PTGIS: variants seen among roughly 807,000 people sequenced by gnomAD.
The protein encoded by PTGIS is prostaglandin I2 synthase.
PTGIS carries 45 observed loss-of-function variants against 50.3 expected under a neutral mutation model. The ratio of observed to expected loss-of-function variants is 0.90; its 90% CI spans 0.70 to 1.15. The LOEUF (loss-of-function observed/expected upper bound fraction) is 1.15. PTGIS is among the 50% of genes most tolerant of loss of function. The pLI is 0.00. For synonymous variants in PTGIS, 260 were observed against 267.7 expected, an observed-to-expected ratio of 0.97 and a Z score of 0.28; for missense variants, 668 against 661.3, an observed-to-expected ratio of 1.01 and a Z score of -0.11.
chr20:49,552,775 T>C (rs1038221896), intron 1 of PTGIS, among the ~76,000 whole-genome samples: 11 of 152,220 alleles, frequency 7.2e-5, no homozygotes, highest in Admixed American at 1.3e-4. Context: ...TATTTAAAAT[T>C]GTTTTATATC....
intron 4 of PTGIS, among the ~76,000 whole-genome samples, chr20:49,544,043 G>C (rs1982294921): frequency 6.6e-6 from 1 of 152,214 alleles, no homozygotes; most frequent in Admixed American, 6.5e-5. Flanking sequence ...GATGACCTCT[G>C]AAGTCTTGCT....
At position 49,513,253 on chromosome 20, in the gene PTGIS, G is replaced by A. The variant is rs1468065770; in HGVS notation, c.1033C>T (p.Leu345=). Residue 345 remains leucine (L), a synonymous_variant, in exon 8 of 10, where the codon CTG becomes TTG. Coordinates refer to ENST00000244043, the MANE Select transcript of PTGIS (RefSeq NM_000961.4). ...GCTGTAAGCCTGAGGCTCTCACTCA[G>A]CACGCTATCTGCATGGGGCAGGTGC... is the stretch of plus-strand genomic sequence containing the variant. ...LDSTPVLDSV[L]SESLRLTAAP... is the part of the protein sequence containing the mutation. The A allele has an allele frequency of 1.2e-6, 2 of 1,613,420 alleles. No homozygotes were observed. The highest frequency in any genetic ancestry group is 2.7e-5 in the African/African-American group (2 of 74,906).
At chr20:49,559,878 G>A in intron 1 of PTGIS, among the ~76,000 whole-genome samples, 1 of 151,838 alleles carries the variant, frequency 6.6e-6, no homozygotes, top group East Asian at 1.9e-4. Context: ...AGATGATGGT[G>A]ATGATTGCAC....
chr20:49,517,336 AC>A (rs908058337), intron 6 of PTGIS, among the ~76,000 whole-genome samples: 2 of 152,334 alleles, frequency 1.3e-5, no homozygotes, highest in African/African-American at 4.8e-5. Context: ...CTCATTAATT[AC>A]CAAGCAGGAG....
intron 5 of PTGIS, among the ~76,000 whole-genome samples, chr20:49,532,992 G>T (rs1417447696): frequency 6.6e-6 from 1 of 152,196 alleles, no homozygotes; most frequent in African/African-American, 2.4e-5. Flanking sequence ...AATGAGGGCT[G>T]CCAGGCCCAC....
At position 49,547,981 on chromosome 20, in the gene PTGIS, G is replaced by A. The variant is rs376596068; in HGVS notation, c.237C>T (p.Asp79=). The change falls in exon 3 of 10, where the codon GAC becomes GAT. Residue 79 remains aspartate, a synonymous_variant. Transcript: ENST00000244043. ...ACACCACCGCGTCGTAGGAGTGTGG[G>A]TCCAGGAGAACGGTGACATACCTGC... The part of the protein sequence containing the change: ...VGGRYVTVLL[D]PHSYDAVVWE... The A allele has an allele frequency of 8.1e-5, 130 of 1,614,000 alleles. No individual in the cohort carries two copies. Among genetic ancestry groups the A allele is most frequent in the Middle Eastern group, 1.6e-4 (1 of 6,084 alleles).
At chr20:49,524,507 C>A (rs972555106) in intron 5 of PTGIS, among the ~76,000 whole-genome samples, 1 of 152,214 alleles carries the variant, frequency 6.6e-6, no homozygotes, top group Non-Finnish European at 1.5e-5. Context: ...TCAATCACCT[C>A]TATGTCCCCA....
chr20:49,549,979 G>A, intron 2 of PTGIS, 87 bp downstream of exon 2: 1 of 1,604,530 alleles, frequency 6.2e-7, no homozygotes, highest in South Asian at 1.1e-5. Context: ...GGTTGGCATA[G>A]GGACATATGT....
At chr20:49,542,063 T>G (rs960004036) in intron 4 of PTGIS, among the ~76,000 whole-genome samples, 3 of 151,970 alleles carry the variant, frequency 2.0e-5, no homozygotes, top group Non-Finnish European at 2.9e-5. Context: ...GGAACAGCAT[T>G]CCCAGGCAAG....
intron 1 of PTGIS, among the ~76,000 whole-genome samples, chr20:49,565,171 T>C (rs1982866280): frequency 6.6e-6 from 1 of 150,784 alleles, no homozygotes; most frequent in African/African-American, 2.4e-5. Context: ...TTAGTAGCGA[T>C]GAGGTTTCAC....
chr20:49,547,975 G>A lies in PTGIS; in HGVS notation c.243C>T (p.His81=). 2.5e-6 allele frequency: 4 copies of A among 1,614,142 alleles called. No homozygotes were observed. The highest frequency in any genetic ancestry group is 3.4e-6 in the Non-Finnish European group (4 of 1,180,010). ...GRYVTVLLDP[H]SYDAVVWEPR... ...GCTCCCACACCACCGCGTCGTAGGAGTGTGGGTCCAGGAGAACGGTGACAT... is the reference window on the plus strand; with the variant it reads ...GCTCCCACACCACCGCGTCGTAGGAATGTGGGTCCAGGAGAACGGTGACAT... Residue 81 remains histidine, a synonymous_variant, in exon 3 of 10, where the codon CAC becomes CAT. Coordinates refer to ENST00000244043, the MANE Select transcript of PTGIS (RefSeq NM_000961.4).
chr20:49,512,052 A>G (rs8121749), intron 8 of PTGIS, among the ~76,000 whole-genome samples: 42,255 of 151,092 alleles, frequency 0.28, 6,074 homozygotes, highest in Middle Eastern at 0.35. Flanking sequence ...TAGATAAATG[A>G]GTGGGTGGAT....
chr20:49,543,960 G>C (rs544285077), intron 4 of PTGIS, among the ~76,000 whole-genome samples: 1 of 152,310 alleles, frequency 6.6e-6, no homozygotes, highest in South Asian at 2.1e-4. Flanking sequence ...AAAAGGTTAA[G>C]GTCCCAAGTT....
At chr20:49,545,452 G>A (rs1012015550) in intron 3 of PTGIS, among the ~76,000 whole-genome samples, 4 of 151,592 alleles carry the variant, frequency 2.6e-5, no homozygotes, top group African/African-American at 9.7e-5. Flanking sequence ...AAAAAGACAT[G>A]ACCTCACATG....
At chr20:49,520,992 G>A (rs186209059) in intron 6 of PTGIS, among the ~76,000 whole-genome samples, 8 of 152,304 alleles carry the variant, frequency 5.3e-5, no homozygotes, top group Non-Finnish European at 1.0e-4. Flanking sequence ...TCTCCCACCA[G>A]AATGCCAGCT....
At chr20:49,564,040 G>C (rs552520376) in intron 1 of PTGIS, among the ~76,000 whole-genome samples, 1 of 152,248 alleles carries the variant, frequency 6.6e-6, no homozygotes, top group South Asian at 2.1e-4. Flanking sequence ...GTTTCAAGGG[G>C]CCCACAAGCC....
At chr20:49,545,132 G>A (rs1378858596) in intron 3 of PTGIS, among the ~76,000 whole-genome samples, 5 of 151,666 alleles carry the variant, frequency 3.3e-5, no homozygotes, top group African/African-American at 1.2e-4. Flanking sequence ...TTAGCCAGGG[G>A]TGGTGGCTCA....
chr20:49,547,754 T>C, intron 3 of PTGIS, 87 bp downstream of exon 3: 2 of 1,464,844 alleles, frequency 1.4e-6, no homozygotes, highest in Non-Finnish European at 1.9e-6. Flanking sequence ...GAACATTTGC[T>C]TTGGAACCAA....
chr20:49,537,856 T>C (rs1335391425), intron 5 of PTGIS, among the ~76,000 whole-genome samples: 1 of 152,120 alleles, frequency 6.6e-6, no homozygotes, highest in Non-Finnish European at 1.5e-5. Context: ...AACAACCTCT[T>C]CCTAACAGCT....
Sources: gnomAD v4.1 joint callset for allele counts (sites outside exome capture counted in the v4.1 genomes callset) on GRCh38, gnomAD v4.1.1 for gene constraint, MANE v1.5 for transcripts, NCBI Gene and HGNC (gene_info 2026-07-23, HGNC 2026-07-21) for gene names.